Variants in RSPH14 observed in about 807,000 individuals in gnomAD.
RSPH14 encodes radial spoke head 14 homolog.
RSPH14 carries 20 observed loss-of-function variants against 26.7 expected under a neutral mutation model. That is an observed-to-expected ratio of 0.75 (90% CI 0.53 to 1.09). RSPH14 has a LOEUF of 1.09. Ranked by LOEUF, RSPH14 falls within the 50% of genes least tolerant of loss-of-function variation. RSPH14 has a pLI of 0.00. For synonymous variants in RSPH14, 177 were observed against 189.3 expected (o/e 0.93, Z 0.53); for missense variants, 449 against 457.2 (o/e 0.98, Z 0.16).
At chr22:23,173,634 T>G in the RSPH14 span, among the ~76,000 whole-genome samples, 1 of 128,016 alleles carries the variant, frequency 7.8e-6, no homozygotes, top group Admixed American at 8.1e-5. Flanking sequence ...TTTTTGTTTT[T>G]TGTTTTTTTT....
intron 4 of RSPH14, among the ~76,000 whole-genome samples, chr22:23,109,722 G>A (rs1342359086): frequency 6.6e-6 from 1 of 152,240 alleles, no homozygotes; most frequent in East Asian, 1.9e-4. Flanking sequence ...GGGCAGCAGG[G>A]TTCAGTGTTA....
At chr22:23,101,602 A>G (rs1230433349) in intron 4 of RSPH14, among the ~76,000 whole-genome samples, 3 of 152,246 alleles carry the variant, frequency 2.0e-5, no homozygotes, top group African/African-American at 7.2e-5. Flanking sequence ...GCTCCAAGCC[A>G]GAAGGCCTGC....
intron 4 of RSPH14, among the ~76,000 whole-genome samples, chr22:23,111,998 C>G (rs1015087924): frequency 3.3e-5 from 5 of 152,198 alleles, no homozygotes; most frequent in Non-Finnish European, 7.4e-5. Context: ...TCCTCTGTCC[C>G]TTGCAGCCTT....
intron 6 of RSPH14, among the ~76,000 whole-genome samples, chr22:23,060,887 C>T (rs553198267): frequency 6.6e-6 from 1 of 152,266 alleles, no homozygotes; most frequent in Non-Finnish European, 1.5e-5. Context: ...TCTTGTGTCT[C>T]GAGCCCCGTG....
chr22:23,119,396 T>G (rs1221195485), intron 4 of RSPH14, among the ~76,000 whole-genome samples: 1 of 152,244 alleles, frequency 6.6e-6, no homozygotes, highest in Non-Finnish European at 1.5e-5. Flanking sequence ...GTCAGGGTCC[T>G]GACTTTGTAA....
At chr22:23,118,589 G>A (rs78148952) in intron 4 of RSPH14, among the ~76,000 whole-genome samples, 3,741 of 152,196 alleles carry the variant, frequency 0.025, 154 homozygotes, top group African/African-American at 0.086. Context: ...ACTGCACCCT[G>A]GGGAGTCAGC....
chr22:23,074,296 G>A (rs75886751), intron 4 of RSPH14, among the ~76,000 whole-genome samples: 4,649 of 152,304 alleles, frequency 0.031, 255 homozygotes, highest in African/African-American at 0.11. Flanking sequence ...CAGGCAGAGA[G>A]GCTGCTGACC....
At chr22:23,096,235 C>G (rs1297276620) in intron 4 of RSPH14, 1 of 1,613,908 alleles carries the variant, frequency 6.2e-7, no homozygotes, top group South Asian at 1.1e-5. Context: ...GCTCCCGGGA[C>G]ATGACCACGG....
the RSPH14 span, among the ~76,000 whole-genome samples, chr22:23,172,936 C>T: frequency 1.3e-5 from 2 of 148,234 alleles, no homozygotes; most frequent in South Asian, 2.1e-4. Flanking sequence ...GGGTACAGAA[C>T]GAGACTGCAT....
chr22:23,160,894 C>T, the RSPH14 span: 5 of 1,613,692 alleles, frequency 3.1e-6, no homozygotes, highest in East Asian at 1.1e-4. Context: ...AACGTGAAGG[C>T]ATTCTTCAGC....
At chr22:23,145,463 C>A (rs963994690), upstream of RSPH14, 3 of 1,610,098 alleles carry the variant, frequency 1.9e-6, no homozygotes, top group Non-Finnish European at 2.5e-6. Context: ...GCCCGCAGGT[C>A]CCGCGTGGCT....
chr22:23,178,546 C>T, the RSPH14 span, among the ~76,000 whole-genome samples: 1 of 152,212 alleles, frequency 6.6e-6, no homozygotes, highest in Admixed American at 6.5e-5. Context: ...GGGCTATTTG[C>T]AGCCTGATGG....
At chr22:23,143,498 A>C (rs1315669482), upstream of RSPH14, among the ~76,000 whole-genome samples, 1 of 152,136 alleles carries the variant, frequency 6.6e-6, no homozygotes, top group Non-Finnish European at 1.5e-5. Context: ...ATGGACCTGA[A>C]TAAATATACT....
chr22:23,145,472 C>T (rs776697058), upstream of RSPH14: 5 of 1,609,588 alleles, frequency 3.1e-6, no homozygotes, highest in Middle Eastern at 3.6e-4. Context: ...TCCCGCGTGG[C>T]TCTCGTTGCC....
At chr22:23,159,323 C>G in the RSPH14 span, 1 of 1,401,052 alleles carries the variant, frequency 7.1e-7, no homozygotes, top group Admixed American at 2.2e-5. Flanking sequence ...TGGGGCCTGC[C>G]ATGCAGTGTT....
chr22:23,147,099 CGTT>C (rs1308417860), upstream of RSPH14, among the ~76,000 whole-genome samples: 7 of 152,166 alleles, frequency 4.6e-5, no homozygotes, highest in Admixed American at 2.0e-4. Flanking sequence ...TTCTCATCAT[CGTT>C]GTTGTTATCA....
chr22:23,178,130 T>C, the RSPH14 span, among the ~76,000 whole-genome samples: 5 of 151,948 alleles, frequency 3.3e-5, no homozygotes, highest in South Asian at 8.3e-4. Flanking sequence ...GAAGAGGCCA[T>C]TGAGGGCTGG....
intron 4 of RSPH14, among the ~76,000 whole-genome samples, chr22:23,113,034 A>G (rs2069699325): frequency 6.6e-6 from 1 of 151,470 alleles, no homozygotes; most frequent in South Asian, 2.1e-4. Flanking sequence ...CTCTGAGCAT[A>G]GCAGCCCCCT....
chr22:23,145,687 C>A (rs1249061150), upstream of RSPH14: 1 of 1,091,102 alleles, frequency 9.2e-7, no homozygotes, highest in East Asian at 2.6e-5. Context: ...GCCTGCGGCC[C>A]CGGGGCGTCC....
Sources: allele counts gnomAD v4.1 joint callset (sites outside exome capture counted in the v4.1 genomes callset), GRCh38; gene constraint gnomAD v4.1.1; transcripts MANE v1.5; gene names NCBI Gene and HGNC (gene_info 2026-07-23, HGNC 2026-07-21).